The following PAPLN variants were observed in gnomAD, a reference collection of about 807,000 sequenced individuals.
PAPLN encodes the protein papilin.
Under a neutral mutation model 159.0 loss-of-function variants are expected in PAPLN, and 146 were observed. The observed-to-expected ratio is 0.92, with a 90% CI of 0.80 to 1.05. The LOEUF (loss-of-function observed/expected upper bound fraction) is 1.05. Among genes scored for constraint, PAPLN ranks in the 50% least tolerant of loss-of-function variants. The pLI is 0.00. For missense variants in PAPLN, 1,720 were observed against 1,743.9 expected, an observed-to-expected ratio of 0.99 and a Z score of 0.24; for synonymous variants, 734 against 702.9, an observed-to-expected ratio of 1.04 and a Z score of -0.70.
In PAPLN at chr14:73,259,303, C is replaced by T. The variant is rs748415985; in HGVS notation, c.1743C>T (p.His581=). The T allele has an allele frequency of 3.8e-6, 6 of 1,587,692 alleles. No homozygotes were observed. In the Admixed American group the frequency reaches 8.8e-5, roughly 23 times the overall value. The part of the protein sequence containing the change: ...SRGQWWAAQE[H]PSARGDHRGE... Reference sequence around the variant, plus strand: ...GCCAGTGGTGGGCAGCCCAGGAACACCCCTCAGCCAGGGGTGACCACAGGG... The same window carrying T: ...GCCAGTGGTGGGCAGCCCAGGAACATCCCTCAGCCAGGGGTGACCACAGGG... The change falls in exon 16 of 27, where the codon CAC becomes CAT. Residue 581 remains histidine (H), a synonymous_variant. Transcript: ENST00000644200.
chr14:73,264,681 G>T lies in PAPLN; in HGVS notation c.3080G>T (p.Gly1027Val). Residue 1027 changes from glycine (G) to valine (V), a missense_variant, in exon 22 of 27, where the codon GGG (glycine) becomes GTG (valine). Transcript: ENST00000644200. ...GACTTTGGCCAAGCGGGGGCTGCTG[G>T]GCCCCTGGGGGCCATCCCCTCTTCA... is the stretch of plus-strand genomic sequence containing the variant. ...AQDFGQAGAA[G>V]PLGAIPSSHP... The T allele has an allele frequency of 1.9e-6, 3 of 1,611,406 alleles. No individual in the cohort carries two copies. Among genetic ancestry groups the T allele is most frequent in the Non-Finnish European group, 2.5e-6 (3 of 1,179,370 alleles).
At chr14:73,252,185 C>T (rs1014935219) in intron 10 of PAPLN, 44 bp downstream of exon 10, 5 of 1,528,432 alleles carry the variant, frequency 3.3e-6, no homozygotes, top group Admixed American at 4.0e-5. Context: ...GCCCTGTGTG[C>T]TGGATCCCAC....
Position 73,264,636 on chromosome 14 carries a change from A to AG in PAPLN, c.3036dup (p.Pro1013AlafsTer82). 2 of 1,602,616 alleles carry AG rather than the reference A, an allele frequency of 1.2e-6. No homozygotes were observed. The highest frequency in any genetic ancestry group is 1.7e-6 in the Non-Finnish European group (2 of 1,177,246). Reference sequence around the variant, plus strand: ...GAGGCTGAGCTGAGCCGCTTCCCTCAGCCCAGGGACCCAGCTCAGGACTTT... The same window carrying AG: ...GAGGCTGAGCTGAGCCGCTTCCCTCAGGCCCAGGGACCCAGCTCAGGACTTT... On this transcript the variant is annotated frameshift_variant, in exon 22 of 27. Transcript: ENST00000644200. LOFTEE classifies it high-confidence loss of function.
Position 73,268,633 on chromosome 14 carries a change from C to G in PAPLN, c.3577C>G (p.Arg1193Gly). Reference sequence around the variant, plus strand: ...TGGCACGCTGCTCATTTACAACTTGCGGGCCAGGGATGAGGGCTCCTACAC... The same window carrying G: ...TGGCACGCTGCTCATTTACAACTTGGGGGCCAGGGATGAGGGCTCCTACAC... Reference protein sequence around the residue: ...PDGTLLIYNLRARDEGSYTCS... With the variant: ...PDGTLLIYNLGARDEGSYTCS... Residue 1193 changes from arginine to glycine, a missense_variant, in exon 26 of 27, where the codon CGG becomes GGG. By Grantham distance (125) the Arg-to-Gly change is moderately radical (BLOSUM62 -2). Transcript: ENST00000644200. 6.2e-7 allele frequency: 1 copy of G among 1,613,954 alleles called. No individual in the cohort carries two copies. The highest frequency in any genetic ancestry group is 8.5e-7 in the Non-Finnish European group (1 of 1,179,938).
chr14:73,255,036 G>C lies in PAPLN; in HGVS notation c.1627+18G>C, dbSNP rs1488456160. 1.2e-6 allele frequency: 2 copies of C among 1,606,978 alleles called. No individual in the cohort carries two copies. The highest frequency in any genetic ancestry group is 1.7e-6 in the Non-Finnish European group (2 of 1,177,008). ...CCCCCAGGGTAAGGACAGGAGGGCA[G>C]GGAGGAGTCCGGCCTCTGACCTCTC... On this transcript the variant is annotated intron_variant, in intron 14 of 26. Transcript: ENST00000644200.
intron 5 of PAPLN, among the ~76,000 whole-genome samples, chr14:73,247,237 C>T (rs958477805): frequency 2.0e-5 from 3 of 152,144 alleles, no homozygotes; most frequent in African/African-American, 7.2e-5. Flanking sequence ...GGTCTGTGCA[C>T]CTCTGAGGAG....
intron 18 of PAPLN, among the ~76,000 whole-genome samples, chr14:73,261,867 T>C (rs1215649248): frequency 1.3e-5 from 2 of 151,742 alleles, no homozygotes; most frequent in African/African-American, 2.4e-5. Flanking sequence ...GCTGCTGGAA[T>C]GGCAGGCTGG....
At position 73,245,709 on chromosome 14, in the gene PAPLN, G is replaced by A. The variant is rs774630106; in HGVS notation, c.231+13G>A. On this transcript the variant is annotated intron_variant, in intron 4 of 26. Coordinates refer to ENST00000644200, the MANE Select transcript of PAPLN (RefSeq NM_001365906.3). The surrounding 1 kb of genome is among the most constrained non-coding windows in gnomAD (Gnocchi z 4.2). The stretch of plus-strand genomic sequence containing the variant: ...TTGTCGCACGGAGGTAAAGCTCACG[G>A]GGCGCGGGCGAAGGCACCAGCTTCC... The A allele has an allele frequency of 7.8e-6, 12 of 1,541,708 alleles. No individual in the cohort carries two copies. The highest frequency in any genetic ancestry group is 9.6e-6 in the Non-Finnish European group (11 of 1,147,798).
intron 26 of PAPLN, 109 bp from the exon 27 acceptor site, chr14:73,272,386 C>G: frequency 1.8e-6 from 2 of 1,088,702 alleles, no homozygotes; most frequent in Middle Eastern, 3.3e-4. Context: ...CGTTTTCAAT[C>G]TGGCAGTTAT....
In PAPLN at chr14:73,259,055, C is replaced by G. The variant is rs1886252484; in HGVS notation, c.1704C>G (p.Ala568=). 1 of 1,611,424 alleles carries G rather than the reference C, an allele frequency of 6.2e-7. No individual in the cohort carries two copies. The highest frequency in any genetic ancestry group is 2.2e-5 in the East Asian group (1 of 44,786). The change falls in exon 15 of 27, where the codon GCC becomes GCG. Residue 568 remains alanine, a synonymous_variant. Transcript: ENST00000644200. ...CGTTGGGCCCTCAGGAGTCCCCTGC[C>G]TCAGGTGAGAGCCTGGTCCCGTCCC... ...WMPLGPQESP[A]SDSRGQWWAA...
chr14:73,264,304 C>T lies in PAPLN; in HGVS notation c.2955C>T (p.Arg985=), dbSNP rs151179834. The T allele has an allele frequency of 0.018, 29,508 of 1,613,956 alleles. 376 individuals are homozygous for T. Among genetic ancestry groups the T allele is most frequent in the Middle Eastern group, 0.029 (178 of 6,062 alleles). Residue 985 remains arginine, a synonymous_variant, in exon 21 of 27, where the codon CGC becomes CGT. Coordinates refer to ENST00000644200, the MANE Select transcript of PAPLN (RefSeq NM_001365906.3). ...GCTGTGGCAGCACCCGGCCAGGCCG[C>T]GACTCCCAGAAGATCCAACTTCGCA... The part of the protein sequence containing the change: ...TYSCGSTRPG[R]DSQKIQLRII...
intron 26 of PAPLN, among the ~76,000 whole-genome samples, chr14:73,270,364 G>A (rs898438365): frequency 6.6e-6 from 1 of 152,220 alleles, no homozygotes; most frequent in Non-Finnish European, 1.5e-5. Context: ...GCCCCAAGGG[G>A]GTGTTACAGG....
rs760249858 is a variant in PAPLN at position 73,252,724 on chromosome 14, G to A, written c.1043G>A (p.Arg348Gln). The A allele has an allele frequency of 1.3e-5, 21 of 1,613,450 alleles. No homozygotes were observed. The highest frequency in any genetic ancestry group is 1.6e-4 in the Middle Eastern group (1 of 6,082). The part of the protein sequence containing the change: ...YPDHMCQRQP[R>Q]PADRRSCNLH... ...GACCACATGTGCCAGCGCCAGCCAC[G>A]GCCAGCTGACCGGCGTTCCTGCAAT... Residue 348 changes from arginine (R) to glutamine (Q), a missense_variant, in exon 11 of 27, where the codon CGG (arginine) becomes CAG (glutamine). Arg to Gln is a conservative substitution (Grantham distance 43). Coordinates refer to ENST00000644200, the MANE Select transcript of PAPLN (RefSeq NM_001365906.3).
At position 73,246,186 on chromosome 14, in the gene PAPLN, C is replaced by T; in HGVS notation, c.334+11C>T. 6.4e-7 allele frequency: 1 copy of T among 1,565,268 alleles called. No homozygotes were observed. The highest frequency in any genetic ancestry group is 2.4e-5 in the East Asian group (1 of 41,030). On this transcript the variant is annotated intron_variant, in intron 5 of 26. Coordinates refer to ENST00000644200, the MANE Select transcript of PAPLN (RefSeq NM_001365906.3). ...TGCCCTACTACAGCGGTGAGCGCGG[C>T]CGGGACTCGCTCTCTCGGGGCCTCT...
At position 73,262,029 on chromosome 14, in the gene PAPLN, T is replaced by C. The variant is rs1886641273; in HGVS notation, c.2246-321T>C. 5.3e-5 allele frequency: 17 copies of C among 319,280 alleles called. 1 individual carries two copies. The East Asian group carries it at 1.0e-3, about 19-fold the overall frequency. The allele number at this position is 319,280 out of a possible 1,614,324, so 19.8% of individuals were successfully genotyped here. ...GGTCACCCTCTGGGCTCACTTTGCA[T>C]GTGACTTCAGGTGGTCTGGTGGCAG... On this transcript the variant is annotated intron_variant, in intron 18 of 26. Coordinates refer to ENST00000644200, the MANE Select transcript of PAPLN (RefSeq NM_001365906.3).
At chr14:73,241,872 G>A (rs2242605) in intron 2 of PAPLN, among the ~76,000 whole-genome samples, 21,787 of 152,300 alleles carry the variant, frequency 0.14, 1,952 homozygotes, top group East Asian at 0.41. Flanking sequence ...TCTTACACAC[G>A]TGCACATTGG....
At chr14:73,263,813 A>C (rs753386672) in intron 20 of PAPLN, 31 bp downstream of exon 20, 2 of 1,574,584 alleles carry the variant, frequency 1.3e-6, no homozygotes, top group East Asian at 2.3e-5. Flanking sequence ...CTCCTCTGAC[A>C]GGTGTGACAG....
intron 5 of PAPLN, among the ~76,000 whole-genome samples, chr14:73,249,428 C>A (rs1254799925): frequency 1.3e-5 from 2 of 152,270 alleles, no homozygotes; most frequent in East Asian, 3.9e-4. Flanking sequence ...AATCCCAGCA[C>A]TTTGGGAGGC....
chr14:73,253,095 G>A, intron 11 of PAPLN: 1 of 1,394,180 alleles, frequency 7.2e-7, no homozygotes, highest in Non-Finnish European at 9.6e-7. Context: ...CAGATGCCAA[G>A]GGGTGGGCCA....
Sources: allele counts gnomAD v4.1 joint callset (sites outside exome capture counted in the v4.1 genomes callset), GRCh38; gene constraint gnomAD v4.1.1; non-coding constraint Gnocchi (gnomAD v3.1); transcripts MANE v1.5; gene names NCBI Gene and HGNC (gene_info 2026-07-23, HGNC 2026-07-21).